Variants in KIF13B observed in about 807,000 individuals in gnomAD.
KIF13B encodes kinesin-like protein KIF13B.
KIF13B carries 127 observed loss-of-function variants against 222.0 expected under a neutral mutation model. The ratio of observed to expected loss-of-function variants is 0.57; its 90% CI spans 0.50 to 0.66. KIF13B has a LOEUF of 0.66. KIF13B is among the 30% of genes least tolerant of loss of function. KIF13B has a pLI of 0.00. For synonymous variants in KIF13B, 976 were observed against 919.0 expected (o/e 1.06, Z -1.12); for missense variants, 2,173 against 2,379.0 (o/e 0.91, Z 1.80).
chr8:29,074,473 A>G (rs1280113755), intron 38 of KIF13B, among the ~76,000 whole-genome samples: 1 of 152,252 alleles, frequency 6.6e-6, no homozygotes, highest in Non-Finnish European at 1.5e-5. Context: ...ACTGAAGAAG[A>G]CATTTCTGGA....
chr8:29,147,636 G>A (rs566372535), intron 16 of KIF13B, 34 bp from the exon 17 acceptor site: 3 of 1,453,656 alleles, frequency 2.1e-6, no homozygotes, highest in South Asian at 2.3e-5. Flanking sequence ...ACATGATCGA[G>A]AGTTACAACA....
rs116877082 is a variant in KIF13B, at chr8:29,113,183, C to T, written c.3930+280G>A. 3.5e-3 allele frequency among the ~76,000 whole-genome samples: 531 copies of T among 152,336 alleles called. 3 individuals carry two copies. Among genetic ancestry groups the T allele is most frequent in the Non-Finnish European group, 4.9e-3 (330 of 68,024 alleles). ...GGAATCTCTATGCTACGCTGCCTCC[C>T]TTCCTGGGTACAATATGTTTCTCTT... is the stretch of plus-strand genomic sequence containing the variant. On this transcript the variant is annotated intron_variant, in intron 32 of 39. Transcript: ENST00000524189.
intron 35 of KIF13B, among the ~76,000 whole-genome samples, chr8:29,100,593 G>A (rs867669643): frequency 2.6e-5 from 4 of 152,026 alleles, no homozygotes; most frequent in African/African-American, 4.8e-5. Flanking sequence ...ACAGGCATGC[G>A]CCACCATGCC....
chr8:29,182,006 T>C lies in KIF13B; in HGVS notation c.498A>G (p.Gly166=), dbSNP rs1430841117. Residue 166 remains glycine, a splice_region_variant and synonymous_variant, in exon 7 of 40, where the codon GGA becomes GGG. Transcript: ENST00000524189. ...EKVRDLLDPK[G]SRQTLKVREH... is the part of the protein sequence containing the mutation. ...CTCTGACTTTCAACGTCTGACGGCT[T>C]CTGTTCATGAAAAACAAAGAAATGA... 5.0e-6 allele frequency: 8 copies of C among 1,611,878 alleles called. No individual in the cohort carries two copies. In the African/African-American group the frequency reaches 9.4e-5, roughly 19 times the overall value.
chr8:29,261,739 A>G (rs1354530469), intron 1 of KIF13B, among the ~76,000 whole-genome samples: 3 of 152,144 alleles, frequency 2.0e-5, no homozygotes, highest in Non-Finnish European at 4.4e-5. Flanking sequence ...GTTCTTAGGG[A>G]AAAAAACTCA....
chr8:29,187,532 A>T (rs952163884), intron 5 of KIF13B, among the ~76,000 whole-genome samples: 1 of 152,228 alleles, frequency 6.6e-6, no homozygotes, highest in East Asian at 1.9e-4. Flanking sequence ...CTCCGTCTCA[A>T]AATAAAAGAT....
intron 2 of KIF13B, among the ~76,000 whole-genome samples, chr8:29,216,916 C>T (rs1814508741): frequency 6.6e-6 from 1 of 151,382 alleles, no homozygotes. Flanking sequence ...GAAACCTGCC[C>T]TTTCTCCATA....
In KIF13B at chr8:29,146,550, A is replaced by C. The variant is rs553077588; in HGVS notation, c.2025-10T>G. On this transcript the variant is annotated splice_polypyrimidine_tract_variant and intron_variant, in intron 17 of 39. Coordinates refer to ENST00000524189, the MANE Select transcript of KIF13B (RefSeq NM_015254.4). ...ATTCAACGTTGCTTCTCTAAAAAAA[A>C]ATAAAGAAGCGGCAGAGGTAGGGAA... 1 of 1,611,310 alleles carries C rather than the reference A, an allele frequency of 6.2e-7. No individual in the cohort carries two copies. Among genetic ancestry groups the C allele is most frequent in the South Asian group, 1.1e-5 (1 of 90,674 alleles).
rs1425582973 is a variant in KIF13B, at chr8:29,194,287, T to TG, written c.162+1899dup. 2.1e-3 allele frequency among the ~76,000 whole-genome samples: 214 copies of TG among 99,970 alleles called. 1 individual carries two copies. Among genetic ancestry groups the TG allele is most frequent in the African/African-American group, 6.9e-3 (205 of 29,922 alleles). The allele number at this position is 99,970 out of a possible 152,430, so 65.6% of individuals were successfully genotyped here. On this transcript the variant is annotated intron_variant, in intron 3 of 39. Transcript: ENST00000524189. Reference sequence around the variant, plus strand: ...ATGGCACTCTCCTCTCCATTATTATTGGGTTTTTTTTTTTTTTTTACTTGT... The same window carrying TG: ...ATGGCACTCTCCTCTCCATTATTATTGGGGTTTTTTTTTTTTTTTTACTTGT...
chr8:29,257,743 T>G (rs1051476317), intron 1 of KIF13B, among the ~76,000 whole-genome samples: 2 of 152,030 alleles, frequency 1.3e-5, no homozygotes, highest in African/African-American at 4.8e-5. Flanking sequence ...GAGGTTGAGG[T>G]TGAGGATGCA....
At chr8:29,168,946 G>GCAAA (rs542726666) in intron 10 of KIF13B, among the ~76,000 whole-genome samples, 105 of 152,204 alleles carry the variant, frequency 6.9e-4, no homozygotes, top group African/African-American at 2.5e-3. Context: ...AATCATCGAA[G>GCAAA]CAAACAAAAA....
chr8:29,133,228 T>C (rs572413290), intron 22 of KIF13B, among the ~76,000 whole-genome samples: 1 of 152,162 alleles, frequency 6.6e-6, no homozygotes, highest in Non-Finnish European at 1.5e-5. Context: ...AAGAACTACT[T>C]TGGGCAAAAT....
At chr8:29,147,763 T>G (rs1195078328) in intron 16 of KIF13B, among the ~76,000 whole-genome samples, 161 bp from the exon 17 acceptor site, 1 of 152,218 alleles carries the variant, frequency 6.6e-6, no homozygotes, top group Non-Finnish European at 1.5e-5. Flanking sequence ...CAATCACTCA[T>G]GTTGTTATAT....
chr8:29,080,748 C>T (rs1000251225), intron 37 of KIF13B, among the ~76,000 whole-genome samples: 1 of 152,184 alleles, frequency 6.6e-6, no homozygotes, highest in African/African-American at 2.4e-5. Flanking sequence ...TAAGCGGTGT[C>T]ACCAGGGAAG....
chr8:29,194,464 T>C (rs1002223790), intron 3 of KIF13B, among the ~76,000 whole-genome samples: 1 of 152,156 alleles, frequency 6.6e-6, no homozygotes, highest in African/African-American at 2.4e-5. Context: ...GCCTTACATC[T>C]AGCAGGTTGG....
intron 33 of KIF13B, 76 bp downstream of exon 33, chr8:29,109,842 T>G: frequency 7.1e-7 from 1 of 1,410,360 alleles, no homozygotes; most frequent in Non-Finnish European, 9.8e-7. Context: ...AACAACACTG[T>G]GAATTACAGA....
Position 29,142,281 on chromosome 8 carries a change from G to A in KIF13B, c.2210C>T (p.Pro737Leu). 6.2e-7 allele frequency: 1 copy of A among 1,613,232 alleles called. No individual in the cohort carries two copies. The highest frequency in any genetic ancestry group is 1.1e-5 in the South Asian group (1 of 91,000). ...NRKRGSLLSE[P>L]AIQVRRKGKG... is the part of the protein sequence containing the mutation. ...TCCTTTTCTTCTCACCTGGATTGCAGGCTCACTAAGAAGAGAGCCTCGCTG... is the reference window on the plus strand; with the variant it reads ...TCCTTTTCTTCTCACCTGGATTGCAAGCTCACTAAGAAGAGAGCCTCGCTG... Residue 737 changes from proline (P) to leucine (L), a missense_variant, in exon 19 of 40, where the codon CCT becomes CTT. By Grantham distance (98) the Pro-to-Leu change is moderately conservative (BLOSUM62 -3). Transcript: ENST00000524189.
intron 2 of KIF13B, among the ~76,000 whole-genome samples, chr8:29,207,937 C>T (rs1401444985): frequency 1.3e-5 from 2 of 152,166 alleles, no homozygotes; most frequent in Admixed American, 6.5e-5. Flanking sequence ...GGGGCAGGCA[C>T]CATGTGAGGA....
chr8:29,098,651 CAAAG>C (rs1265013554), intron 36 of KIF13B, among the ~76,000 whole-genome samples: 2 of 148,580 alleles, frequency 1.3e-5, no homozygotes, highest in African/African-American at 2.5e-5. Flanking sequence ...AATCTCCCCA[CAAAG>C]AGGATTCCAG....
Sources: gnomAD v4.1 joint callset for allele counts (sites outside exome capture counted in the v4.1 genomes callset) on GRCh38, gnomAD v4.1.1 for gene constraint, MANE v1.5 for transcripts, NCBI Gene and HGNC (gene_info 2026-07-23, HGNC 2026-07-21) for gene names.